The following DIP2B variants were observed in gnomAD, a reference collection of about 807,000 sequenced individuals.
DIP2B encodes the protein disco-interacting protein 2 homolog B.
In DIP2B, 76 loss-of-function variants were observed where a neutral mutation model predicts 198.0. The ratio of observed to expected loss-of-function variants is 0.38; its 90% CI spans 0.32 to 0.46. The LOEUF (loss-of-function observed/expected upper bound fraction) is 0.46, where lower values mean the gene tolerates loss of function less well. Ranked by LOEUF, DIP2B falls within the 20% of genes least tolerant of loss-of-function variation. The pLI, the probability that DIP2B is intolerant of heterozygous loss-of-function variation, is 0.99. For synonymous variants in DIP2B, 701 were observed against 739.1 expected (o/e 0.95, Z 0.84); for missense variants, 1,559 against 1,978.4 (o/e 0.79, Z 4.02).
At chr12:50,636,586 G>A (rs1471610040) in intron 2 of DIP2B, among the ~76,000 whole-genome samples, 2 of 152,172 alleles carry the variant, frequency 1.3e-5, no homozygotes, top group Non-Finnish European at 2.9e-5. Context: ...CACACCCAAA[G>A]GGGAAAGATC....
intron 22 of DIP2B, among the ~76,000 whole-genome samples, chr12:50,711,640 C>T (rs1939618218): frequency 6.6e-6 from 1 of 152,202 alleles, no homozygotes; most frequent in Non-Finnish European, 1.5e-5. Context: ...CGGCTCACTG[C>T]AACCTCCACC....
intron 23 of DIP2B, among the ~76,000 whole-genome samples, chr12:50,716,958 C>CTTGTTTTTTTTTTTTTTTTTTTTTTTTT (rs1939731862): frequency 1.7e-5 from 1 of 58,924 alleles, no homozygotes; most frequent in Non-Finnish European, 3.0e-5. Flanking sequence ...CGAATTGTTG[C>CTTGTTTTTTTTTTTTTTTTTTTTTTTTT]TTTTTTTTTT....
intron 3 of DIP2B, among the ~76,000 whole-genome samples, chr12:50,644,107 A>G (rs1313905315): frequency 1.3e-5 from 2 of 152,244 alleles, no homozygotes; most frequent in South Asian, 2.1e-4. Flanking sequence ...CACATTTCAG[A>G]CACAGTATAA....
intron 1 of DIP2B, among the ~76,000 whole-genome samples, chr12:50,552,616 C>G (rs1467632567): frequency 1.3e-5 from 2 of 151,992 alleles, no homozygotes; most frequent in Non-Finnish European, 2.9e-5. Flanking sequence ...TAACTTTTCT[C>G]TCTGTTGATT....
chr12:50,587,091 G>T (rs1387585200), intron 1 of DIP2B, among the ~76,000 whole-genome samples: 1 of 152,016 alleles, frequency 6.6e-6, no homozygotes, highest in East Asian at 1.9e-4. Flanking sequence ...GTATCCTATT[G>T]CAATTAAAAC....
chr12:50,694,404 A>G (rs1939269986), intron 14 of DIP2B, among the ~76,000 whole-genome samples: 1 of 152,106 alleles, frequency 6.6e-6, no homozygotes, highest in African/African-American at 2.4e-5. Context: ...GCTGTGCAGG[A>G]GAATTGTTTG....
intron 1 of DIP2B, 84 bp from the exon 2 acceptor site, chr12:50,625,892 A>G: frequency 6.9e-7 from 1 of 1,438,996 alleles, no homozygotes; most frequent in Non-Finnish European, 9.7e-7. Flanking sequence ...TAGTTCTATA[A>G]CTCTGTAATT....
At chr12:50,559,302 TA>T (rs1958497326) in intron 1 of DIP2B, among the ~76,000 whole-genome samples, 1 of 142,546 alleles carries the variant, frequency 7.0e-6, no homozygotes. Context: ...GAAGATGGTG[TA>T]ATTATTTGTC....
In DIP2B at chr12:50,695,948, G is replaced by T; in HGVS notation, c.1914G>T (p.Val638=). Residue 638 remains valine, a synonymous_variant, in exon 16 of 38, where the codon GTG becomes GTT. Coordinates refer to ENST00000301180, the MANE Select transcript of DIP2B (RefSeq NM_173602.3). The part of the protein sequence containing the change: ...VSLSSLRMLI[V]TDGANPWSVS... ...TGAGTTCCCTCCGAATGTTAATTGT[G>T]ACTGATGGAGCTAACCCCTGTGAGT... is the stretch of plus-strand genomic sequence containing the variant. 6.2e-7 allele frequency: 1 copy of T among 1,614,082 alleles called. No homozygotes were observed. Among genetic ancestry groups the T allele is most frequent in the South Asian group, 1.1e-5 (1 of 91,070 alleles).
intron 1 of DIP2B, among the ~76,000 whole-genome samples, chr12:50,544,624 CTTTTT>C (rs66562074): frequency 7.3e-6 from 1 of 136,968 alleles, no homozygotes; most frequent in Non-Finnish European, 1.6e-5. Context: ...CTTTCTTTTT[CTTTTT>C]TTTTTTTTTT....
intron 1 of DIP2B, among the ~76,000 whole-genome samples, chr12:50,563,432 C>T (rs1958536848): frequency 6.6e-6 from 1 of 151,104 alleles, no homozygotes; most frequent in Non-Finnish European, 1.5e-5. Context: ...AGCAATCTGC[C>T]TGCCTTGGCC....
chr12:50,732,579 A>G (rs368613079), intron 32 of DIP2B, 43 bp downstream of exon 32: 15 of 1,608,180 alleles, frequency 9.3e-6, no homozygotes, highest in African/African-American at 1.3e-5. Context: ...TGGGAGAGGA[A>G]TATGGAGTAT....
chr12:50,745,385 G>T lies in DIP2B; in HGVS notation c.*546G>T, dbSNP rs1033273904. 1 of 155,768 alleles carries T rather than the reference G, an allele frequency of 6.4e-6. No individual in the cohort carries two copies. Among genetic ancestry groups the T allele is most frequent in the African/African-American group, 2.4e-5 (1 of 41,446 alleles). 9.6% of individuals were successfully genotyped at this position (155,768 alleles called of 1,614,324 possible). On this transcript the variant is annotated 3_prime_UTR_variant, in exon 38 of 38. Coordinates refer to ENST00000301180, the MANE Select transcript of DIP2B (RefSeq NM_173602.3). The stretch of plus-strand genomic sequence containing the variant: ...TTGACTGTAAAACATTTTGACCAGT[G>T]TTTTACAACATGTACATAAGAATAC...
At chr12:50,674,406 AC>A in intron 5 of DIP2B, 67 bp from the exon 6 acceptor site, 1 of 1,568,332 alleles carries the variant, frequency 6.4e-7, no homozygotes, top group South Asian at 1.2e-5. Flanking sequence ...AAAAAACAAA[AC>A]CCCAAAGATT....
At chr12:50,527,601 G>A (rs987906043) in intron 1 of DIP2B, among the ~76,000 whole-genome samples, 1 of 152,138 alleles carries the variant, frequency 6.6e-6, no homozygotes, top group Admixed American at 6.5e-5. Context: ...TCCCTAGGTG[G>A]TTATGGTGAT....
chr12:50,674,520 CTCA>C lies in DIP2B; in HGVS notation c.693_695del (p.Ser234del). 1 of 1,614,240 alleles carries C rather than the reference CTCA, an allele frequency of 6.2e-7. No homozygotes were observed. The highest frequency in any genetic ancestry group is 8.5e-7 in the Non-Finnish European group (1 of 1,180,042). On this transcript the variant is annotated inframe_deletion, in exon 6 of 38. Coordinates refer to ENST00000301180, the MANE Select transcript of DIP2B (RefSeq NM_173602.3). ...ATGTCACTACAACTACCTCTTCCTC[CTCA>C]TCATCTTCCTCAATTCGCCCAGCAA...
chr12:50,536,257 T>C (rs1958265031), intron 1 of DIP2B, among the ~76,000 whole-genome samples: 1 of 135,624 alleles, frequency 7.4e-6, no homozygotes, highest in African/African-American at 2.8e-5. Flanking sequence ...AGACCTTATT[T>C]CTACTAAATA....
intron 4 of DIP2B, among the ~76,000 whole-genome samples, chr12:50,668,950 C>T (rs936898838): frequency 3.9e-5 from 6 of 152,066 alleles, no homozygotes; most frequent in Non-Finnish European, 7.4e-5. Flanking sequence ...TTCTTTTAAT[C>T]ACCCCCCTTT....
chr12:50,707,804 C>T (rs1041371200), intron 21 of DIP2B, among the ~76,000 whole-genome samples: 1 of 152,072 alleles, frequency 6.6e-6, no homozygotes, highest in Non-Finnish European at 1.5e-5. Context: ...AGACCTCCCT[C>T]AGAACCAACT....
Sources: allele counts gnomAD v4.1 joint callset (sites outside exome capture counted in the v4.1 genomes callset), GRCh38; gene constraint gnomAD v4.1.1; transcripts MANE v1.5; gene names NCBI Gene and HGNC (gene_info 2026-07-23, HGNC 2026-07-21).